Variants in CNOT6 observed in about 807,000 individuals in gnomAD.
CNOT6 encodes the protein carbon catabolite repression 4 protein.
In CNOT6, 12 loss-of-function variants were observed where a neutral mutation model predicts 61.2. The observed-to-expected ratio is 0.20, with a 90% CI of 0.13 to 0.32. The LOEUF (loss-of-function observed/expected upper bound fraction) is 0.32. Among genes scored for constraint, CNOT6 ranks in the 10% least tolerant of loss-of-function variants. The probability of loss-of-function intolerance (pLI) is 1.00; values close to 1 mark genes in which losing one functional copy is unlikely to be tolerated. For missense variants in CNOT6, 405 were observed against 663.9 expected (o/e 0.61, Z 4.28); for synonymous variants, 225 against 240.6 (o/e 0.94, Z 0.60).
At chr5:180,514,391 C>G (rs147255660) in intron 1 of CNOT6, among the ~76,000 whole-genome samples, 130 of 152,314 alleles carry the variant, frequency 8.5e-4, no homozygotes, top group Middle Eastern at 3.4e-3. Context: ...CACTGCACTC[C>G]AGCCTAGGCG....
intron 11 of CNOT6, among the ~76,000 whole-genome samples, chr5:180,572,801 C>T (rs1015857980): frequency 6.6e-6 from 1 of 152,144 alleles, no homozygotes; most frequent in African/African-American, 2.4e-5. Flanking sequence ...AGCAATCCTC[C>T]TGCCTTAGCC....
chr5:180,571,446 C>CA lies in CNOT6; in HGVS notation c.1461+14_1461+15insA. The stretch of plus-strand genomic sequence containing the variant: ...TTTGATTTCAAGGTGTGTCTTGAGA[C>CA]TGATAAGCTTTTCAAACCTGTCTTT... On this transcript the variant is annotated intron_variant, in intron 11 of 11. Transcript: ENST00000261951. 1 of 1,601,768 alleles carries CA rather than the reference C, an allele frequency of 6.2e-7. No homozygotes were observed. The highest frequency in any genetic ancestry group is 8.6e-7 in the Non-Finnish European group (1 of 1,169,120).
At chr5:180,573,899 C>G in intron 11 of CNOT6, 89 bp from the exon 12 acceptor site, 3 of 888,696 alleles carry the variant, frequency 3.4e-6, no homozygotes, top group Non-Finnish European at 3.7e-6. Flanking sequence ...TTCTGTTCAC[C>G]AAACATGACA....
intron 1 of CNOT6, among the ~76,000 whole-genome samples, chr5:180,496,143 TCTTC>T (rs1433826019): frequency 6.6e-6 from 1 of 152,220 alleles, no homozygotes; most frequent in South Asian, 2.1e-4. Flanking sequence ...GCTCAAGCGA[TCTTC>T]CTTCCTTGGC....
chr5:180,508,833 A>AT (rs61361377), intron 1 of CNOT6, among the ~76,000 whole-genome samples: 43 of 145,886 alleles, frequency 2.9e-4, no homozygotes, highest in South Asian at 6.4e-4. Context: ...TATTATTATT[A>AT]TTTTTTTTTG....
intron 2 of CNOT6, among the ~76,000 whole-genome samples, chr5:180,543,845 C>T (rs547544687): frequency 6.6e-6 from 1 of 151,704 alleles, no homozygotes; most frequent in Non-Finnish European, 1.5e-5. Flanking sequence ...GAGTCTTGCT[C>T]TGTTGCCCAG....
At chr5:180,550,939 T>G (rs993924825) in intron 3 of CNOT6, among the ~76,000 whole-genome samples, 1 of 152,158 alleles carries the variant, frequency 6.6e-6, no homozygotes, top group Non-Finnish European at 1.5e-5. Flanking sequence ...AACTTTGCCA[T>G]TTATGAGTTG....
Position 180,575,156 on chromosome 5 carries a change from C to T in CNOT6, c.*956C>T, listed in dbSNP as rs1434736728. Reference sequence around the variant, plus strand: ...TCCACTGTGCCTGCCTAAATTTGTTCTCACCAAGCACTGCCTGTGCATGCA... The same window carrying T: ...TCCACTGTGCCTGCCTAAATTTGTTTTCACCAAGCACTGCCTGTGCATGCA... On this transcript the variant is annotated 3_prime_UTR_variant, in exon 12 of 12. Coordinates refer to ENST00000261951, the MANE Select transcript of CNOT6 (RefSeq NM_001370472.1). 6.5e-6 allele frequency: 1 copy of T among 152,672 alleles called. No homozygotes were observed. Among genetic ancestry groups the T allele is most frequent in the Non-Finnish European group, 1.5e-5 (1 of 68,052 alleles). 9.5% of individuals were successfully genotyped at this position (152,672 alleles called of 1,614,324 possible).
chr5:180,571,375 A>G lies in CNOT6; in HGVS notation c.1404A>G (p.Leu468=), dbSNP rs1350604662. The G allele has an allele frequency of 1.9e-6, 3 of 1,614,188 alleles. No individual in the cohort carries two copies. Among genetic ancestry groups the G allele is most frequent in the African/African-American group, 1.3e-5 (1 of 75,068 alleles). The change falls in exon 11 of 12, where the codon TTA becomes TTG. Residue 468 remains leucine (L), a synonymous_variant. Coordinates refer to ENST00000261951, the MANE Select transcript of CNOT6 (RefSeq NM_001370472.1). ...GAAGGATCACTCATGGTTTCAAGTT[A>G]CAGAGTGCCTATGAGAGTGGCCTGA... The part of the protein sequence containing the change: ...TNGRITHGFK[L]QSAYESGLMP...
chr5:180,521,438 A>G (rs1354621786), intron 1 of CNOT6, among the ~76,000 whole-genome samples: 3 of 152,226 alleles, frequency 2.0e-5, no homozygotes, highest in Non-Finnish European at 4.4e-5. Flanking sequence ...CCAACAGCCT[A>G]GATTTTGAAT....
chr5:180,574,023 G>A lies in CNOT6; in HGVS notation c.1497G>A (p.Gln499=). 2 of 1,613,946 alleles carry A rather than the reference G, an allele frequency of 1.2e-6. No homozygotes were observed. Among genetic ancestry groups the A allele is most frequent in the Non-Finnish European group, 1.7e-6 (2 of 1,179,910 alleles). ...IIDYIFYSKP[Q]LNTLGILGPL... is the part of the protein sequence containing the mutation. The stretch of plus-strand genomic sequence containing the variant: ...ACTACATTTTCTATTCTAAACCTCA[G>A]CTGAACACCTTAGGCATCCTGGGCC... Residue 499 remains glutamine (Q), a synonymous_variant, in exon 12 of 12, where the codon CAG becomes CAA. Coordinates refer to ENST00000261951, the MANE Select transcript of CNOT6 (RefSeq NM_001370472.1).
At chr5:180,544,004 G>A (rs1445914054) in intron 2 of CNOT6, among the ~76,000 whole-genome samples, 1 of 151,976 alleles carries the variant, frequency 6.6e-6, no homozygotes, top group Non-Finnish European at 1.5e-5. Context: ...GTAGAGATGG[G>A]GTTTCACTGT....
chr5:180,567,761 G>A (rs1760536725), intron 8 of CNOT6, 88 bp from the exon 9 acceptor site: 1 of 1,581,342 alleles, frequency 6.3e-7, no homozygotes, highest in Non-Finnish European at 8.7e-7. Flanking sequence ...ATCTGTTAAG[G>A]AAGTTTGGGA....
rs1240208990 is a variant in CNOT6 at position 180,563,194 on chromosome 5, C to T, written c.386-1295C>T. Among the ~76,000 whole-genome samples, 6 of 151,472 alleles carry T rather than the reference C, an allele frequency of 4.0e-5. No homozygotes were observed. In the East Asian group the frequency reaches 5.8e-4, roughly 15 times the overall value. The stretch of plus-strand genomic sequence containing the variant: ...ACAGTGTTTGCCAACCTCTTCTATT[C>T]GGCCTTGGCCTTTCCTGTTAAATTT... On this transcript the variant is annotated intron_variant, in intron 4 of 11. Transcript: ENST00000261951.
chr5:180,506,978 A>G lies in CNOT6; in HGVS notation c.-3+12215A>G, dbSNP rs1757159462. Among the ~76,000 whole-genome samples the G allele has an allele frequency of 2.6e-5, 4 of 152,356 alleles. 1 individual carries two copies. In the South Asian group the frequency reaches 8.3e-4, roughly 32 times the overall value. ...GCAGGTTTAATGAATACAACAGTAG[A>G]CATGTTTTCGAGGTTTAGCATAGCT... On this transcript the variant is annotated intron_variant, in intron 1 of 11. Coordinates refer to ENST00000261951, the MANE Select transcript of CNOT6 (RefSeq NM_001370472.1).
Position 180,567,098 on chromosome 5 carries a change from C to T in CNOT6, c.728C>T (p.Thr243Met), listed in dbSNP as rs781294673. Residue 243 changes from threonine (T) to methionine (M), a missense_variant, in exon 8 of 12, where the codon ACG (threonine) becomes ATG (methionine). Transcript: ENST00000261951. ...TTTACAACTTTTCAGGAGGTTGAAACGGAACAGTATTACAGTTTTTTTCTG... is the reference window on the plus strand; with the variant it reads ...TTTACAACTTTTCAGGAGGTTGAAATGGAACAGTATTACAGTTTTTTTCTG... The part of the protein sequence containing the change: ...ADIVSLQEVE[T>M]EQYYSFFLVE... The T allele has an allele frequency of 4.2e-5, 68 of 1,603,934 alleles. No homozygotes were observed. The highest frequency in any genetic ancestry group is 5.6e-5 in the Non-Finnish European group (66 of 1,177,398).
chr5:180,502,856 A>G (rs1581463963), intron 1 of CNOT6, among the ~76,000 whole-genome samples: 1 of 152,362 alleles, frequency 6.6e-6, no homozygotes, highest in East Asian at 1.9e-4. Context: ...TTTCTTCTGT[A>G]AGGTTATGTA....
chr5:180,498,785 G>A (rs1756734053), intron 1 of CNOT6, among the ~76,000 whole-genome samples: 1 of 152,150 alleles, frequency 6.6e-6, no homozygotes, highest in African/African-American at 2.4e-5. Flanking sequence ...ATAGTATGGA[G>A]TTAGTGACTT....
At chr5:180,495,437 C>T (rs538613440) in intron 1 of CNOT6, 35 of 152,290 alleles carry the variant, frequency 2.3e-4, no homozygotes, top group Admixed American at 3.3e-4. Flanking sequence ...TCGCTATTTT[C>T]TTTGGAAACT....
Sources: allele counts gnomAD v4.1 joint callset (sites outside exome capture counted in the v4.1 genomes callset), GRCh38; gene constraint gnomAD v4.1.1; transcripts MANE v1.5; gene names NCBI Gene and HGNC (gene_info 2026-07-23, HGNC 2026-07-21).